The following FIG4 variants were observed in gnomAD, a reference collection of about 807,000 sequenced individuals.
FIG4 encodes the protein polyphosphoinositide phosphatase.
FIG4 carries 112 observed loss-of-function variants against 118.6 expected under a neutral mutation model. The ratio of observed to expected loss-of-function variants is 0.94; its 90% CI spans 0.81 to 1.11. The LOEUF (loss-of-function observed/expected upper bound fraction) is 1.11, where lower values mean the gene tolerates loss of function less well. FIG4 is among the 50% of genes least tolerant of loss of function. FIG4 has a pLI of 0.00. For missense variants in FIG4, 969 were observed against 1,111.7 expected (o/e 0.87, Z 1.83); for synonymous variants, 369 against 381.2 (o/e 0.97, Z 0.37).
chr6:109,745,932 C>T (rs929989605), intron 10 of FIG4, among the ~76,000 whole-genome samples: 8 of 151,990 alleles, frequency 5.3e-5, no homozygotes, highest in African/African-American at 1.9e-4. Flanking sequence ...AAAAAAGAGC[C>T]CATGTAGCCA....
At chr6:109,783,977 A>T (rs931925626) in intron 16 of FIG4, among the ~76,000 whole-genome samples, 1 of 152,130 alleles carries the variant, frequency 6.6e-6, no homozygotes, top group African/African-American at 2.4e-5. Flanking sequence ...TCTGCTTGCC[A>T]TCCCTAGGAG....
chr6:109,707,363 G>A (rs200728716), intron 1 of FIG4, among the ~76,000 whole-genome samples: 1 of 21,474 alleles, frequency 4.7e-5, no homozygotes, highest in Admixed American at 4.2e-4. Context: ...ACATATATAC[G>A]TGTATATATA....
chr6:109,753,128 T>G (rs997203676), intron 10 of FIG4, among the ~76,000 whole-genome samples: 1 of 152,218 alleles, frequency 6.6e-6, no homozygotes, highest in Non-Finnish European at 1.5e-5. Context: ...TTGTCAGATT[T>G]GTCAAAGATC....
intron 10 of FIG4, among the ~76,000 whole-genome samples, chr6:109,758,064 C>A (rs989432387): frequency 9.2e-5 from 14 of 152,042 alleles, no homozygotes; most frequent in African/African-American, 3.1e-4. Flanking sequence ...CAGTGCTATC[C>A]CCATCAAGCT....
intron 1 of FIG4, among the ~76,000 whole-genome samples, chr6:109,707,447 A>G (rs1170531504): frequency 6.7e-6 from 1 of 148,938 alleles, no homozygotes; most frequent in African/African-American, 2.5e-5. Flanking sequence ...ATACATATAT[A>G]TACACATATA....
chr6:109,717,741 G>A (rs753322582), intron 3 of FIG4, among the ~76,000 whole-genome samples: 1 of 152,176 alleles, frequency 6.6e-6, no homozygotes, highest in Non-Finnish European at 1.5e-5. Context: ...ATACATGAAG[G>A]TACCCAGAGG....
intron 14 of FIG4, among the ~76,000 whole-genome samples, chr6:109,765,783 A>G (rs1018059418): frequency 2.6e-5 from 4 of 152,218 alleles, no homozygotes; most frequent in Admixed American, 6.5e-5. Flanking sequence ...TATTGGATCT[A>G]TGACAGTCCA....
intron 10 of FIG4, among the ~76,000 whole-genome samples, chr6:109,754,646 A>G (rs969927088): frequency 1.3e-5 from 2 of 152,020 alleles, no homozygotes; most frequent in African/African-American, 4.8e-5. Context: ...CAGAGATTCA[A>G]CTTCTTCCTG....
chr6:109,743,610 T>A, intron 9 of FIG4, 65 bp from the exon 10 acceptor site: 1 of 1,241,964 alleles, frequency 8.1e-7, no homozygotes, highest in South Asian at 1.2e-5. Flanking sequence ...AAAACAACCC[T>A]ATGCTTCTTT....
intron 10 of FIG4, 70 bp downstream of exon 10, chr6:109,743,842 G>A (rs1162495193): frequency 7.6e-6 from 8 of 1,054,926 alleles, no homozygotes; most frequent in African/African-American, 1.6e-5. Context: ...AACACAGAGG[G>A]GGTTAACAAG....
At chr6:109,784,401 T>C (rs1425881086) in intron 16 of FIG4, among the ~76,000 whole-genome samples, 1 of 152,234 alleles carries the variant, frequency 6.6e-6, no homozygotes, top group East Asian at 1.9e-4. Context: ...TATTTACAGT[T>C]AAAGAATAAC....
intron 12 of FIG4, 73 bp downstream of exon 12, chr6:109,762,280 T>A: frequency 2.2e-6 from 2 of 902,672 alleles, no homozygotes. Flanking sequence ...TACAGCAGTT[T>A]GTACTACTTG....
chr6:109,734,958 A>G (rs768786915), intron 5 of FIG4, among the ~76,000 whole-genome samples, 192 bp from the exon 6 acceptor site: 6 of 152,188 alleles, frequency 3.9e-5, no homozygotes, highest in Non-Finnish European at 2.9e-5. Flanking sequence ...CTAGTCATGC[A>G]GTGAGGTTTT....
At chr6:109,814,918 C>A (rs1778818934) in intron 22 of FIG4, among the ~76,000 whole-genome samples, 2 of 152,186 alleles carry the variant, frequency 1.3e-5, no homozygotes, top group Admixed American at 6.5e-5. Flanking sequence ...TCACTGCCCC[C>A]AGGCCCACTC....
intron 1 of FIG4, among the ~76,000 whole-genome samples, chr6:109,696,768 G>A (rs1478567635): frequency 6.6e-6 from 1 of 152,056 alleles, no homozygotes; most frequent in Non-Finnish European, 1.5e-5. Flanking sequence ...TAGGGAGGGA[G>A]GGTTAACAGA....
chr6:109,770,141 T>A (rs1452462062), intron 15 of FIG4, among the ~76,000 whole-genome samples: 1 of 152,200 alleles, frequency 6.6e-6, no homozygotes, highest in Non-Finnish European at 1.5e-5. Flanking sequence ...AGTTGGAGGA[T>A]GCTTTACAGG....
rs111580557 is a variant in FIG4, at chr6:109,706,632, C to T, written c.67-8446C>T. Among the ~76,000 whole-genome samples the T allele has an allele frequency of 3.7e-3, 568 of 152,300 alleles. 3 individuals carry two copies. The highest frequency in any genetic ancestry group is 0.013 in the African/African-American group (534 of 41,564). ...AAATACAATGGCATAGTCTCACTGA[C>T]ATCTTACAAAGTGAAGGACAGAAAA... On this transcript the variant is annotated intron_variant, in intron 1 of 22. Coordinates refer to ENST00000230124, the MANE Select transcript of FIG4 (RefSeq NM_014845.6).
chr6:109,793,144 G>T (rs1217833809), intron 21 of FIG4, among the ~76,000 whole-genome samples: 5 of 152,174 alleles, frequency 3.3e-5, no homozygotes. Flanking sequence ...GCCCCTCAAT[G>T]ATAAAAATTT....
chr6:109,719,472 C>T (rs1429178466), intron 3 of FIG4, among the ~76,000 whole-genome samples: 2 of 152,010 alleles, frequency 1.3e-5, no homozygotes, highest in Non-Finnish European at 2.9e-5. Flanking sequence ...CAACCTCAAC[C>T]TCCTGGGCTC....
Sources: gnomAD v4.1 joint callset for allele counts (sites outside exome capture counted in the v4.1 genomes callset) on GRCh38, gnomAD v4.1.1 for gene constraint, MANE v1.5 for transcripts, NCBI Gene and HGNC (gene_info 2026-07-23, HGNC 2026-07-21) for gene names.